Variants in LRRTM4 observed in about 807,000 individuals in gnomAD.
LRRTM4 encodes the protein leucine-rich repeat transmembrane neuronal protein 4.
Under a neutral mutation model 47.6 loss-of-function variants are expected in LRRTM4, and 25 were observed. The ratio of observed to expected loss-of-function variants is 0.53; its 90% CI spans 0.38 to 0.73. The LOEUF is 0.73. Ranked by LOEUF, LRRTM4 falls within the 30% of genes least tolerant of loss-of-function variation. The pLI, the probability that LRRTM4 is intolerant of heterozygous loss-of-function variation, is 0.00. For missense variants in LRRTM4, 638 were observed against 713.4 expected (o/e 0.89, Z 1.20); for synonymous variants, 311 against 269.5 (o/e 1.15, Z -1.51).
intron 3 of LRRTM4, chr2:77,516,764 A>G (rs1248674888): frequency 2.1e-6 from 2 of 970,502 alleles, no homozygotes; most frequent in African/African-American, 3.5e-5. Flanking sequence ...CTTATTTTCA[A>G]TGATACACAA....
At chr2:77,020,021 GGTTACTTGGAAAACATAAAA>G (rs1218138574) in intron 3 of LRRTM4, among the ~76,000 whole-genome samples, 1 of 151,982 alleles carries the variant, frequency 6.6e-6, no homozygotes, top group African/African-American at 2.4e-5. Flanking sequence ...TTATCTCCTA[GGTTACTTGGAAAACATAAAA>G]TATACTTAAT....
At chr2:76,900,590 C>A (rs71420976) in intron 3 of LRRTM4, among the ~76,000 whole-genome samples, 143 of 152,188 alleles carry the variant, frequency 9.4e-4, no homozygotes, top group South Asian at 3.5e-3. Context: ...AAATGAATAA[C>A]TGCCCTCTAC....
At chr2:76,963,179 C>A (rs1243154542) in intron 3 of LRRTM4, among the ~76,000 whole-genome samples, 1 of 150,748 alleles carries the variant, frequency 6.6e-6, no homozygotes, top group African/African-American at 2.4e-5. Context: ...AAATTTAATT[C>A]TTATTCCTGA....
At chr2:76,955,280 A>C (rs1675634211) in intron 3 of LRRTM4, among the ~76,000 whole-genome samples, 2 of 151,870 alleles carry the variant, frequency 1.3e-5, no homozygotes, top group South Asian at 4.1e-4. Context: ...AAAATAGGTC[A>C]ATTGACACAC....
chr2:76,958,320 C>T (rs1022164513), intron 3 of LRRTM4, among the ~76,000 whole-genome samples: 1 of 151,810 alleles, frequency 6.6e-6, no homozygotes, highest in South Asian at 2.1e-4. Context: ...TTGAGTTTGA[C>T]TCTATGGTTT....
intron 3 of LRRTM4, among the ~76,000 whole-genome samples, chr2:77,495,020 A>G (rs188797079): frequency 1.3e-5 from 2 of 152,266 alleles, no homozygotes; most frequent in Admixed American, 1.3e-4. Context: ...TTATATGGAT[A>G]CACTACAATT....
intron 3 of LRRTM4, among the ~76,000 whole-genome samples, chr2:77,371,675 C>A (rs1672661724): frequency 6.6e-6 from 1 of 151,646 alleles, no homozygotes; most frequent in South Asian, 2.1e-4. Context: ...TGCTCTAAGT[C>A]CTGACTACAC....
chr2:77,039,582 C>A (rs552628732), intron 3 of LRRTM4, among the ~76,000 whole-genome samples: 1 of 151,306 alleles, frequency 6.6e-6, no homozygotes, highest in South Asian at 2.1e-4. Context: ...CCCAATCTAT[C>A]TTCCATTTGT....
Position 77,207,893 on chromosome 2 carries a change from T to G in LRRTM4, c.1551+310425A>C, listed in dbSNP as rs1036594048. Among the ~76,000 whole-genome samples, 219 of 142,452 alleles carry G rather than the reference T, an allele frequency of 1.5e-3. 5 individuals carry two copies. The highest frequency in any genetic ancestry group is 0.013 in the Admixed American group (181 of 13,784). 93.5% of individuals were successfully genotyped at this position (142,452 alleles called of 152,430 possible). On this transcript the variant is annotated intron_variant, in intron 3 of 3. Coordinates refer to ENST00000409884, the MANE Select transcript of LRRTM4 (RefSeq NM_001134745.3). ...TTTTTTTTTTTTTTTTTTTTTTTTT[T>G]GTGAGATGTAGTCTTGCTTTTTTCA...
At chr2:77,173,771 C>A (rs950808185) in intron 3 of LRRTM4, among the ~76,000 whole-genome samples, 2 of 152,088 alleles carry the variant, frequency 1.3e-5, no homozygotes, top group African/African-American at 4.8e-5. Flanking sequence ...TCCACGCCCC[C>A]ACACATTCCC....
At chr2:77,161,613 G>C (rs958146432) in intron 3 of LRRTM4, among the ~76,000 whole-genome samples, 1 of 151,728 alleles carries the variant, frequency 6.6e-6, no homozygotes. Flanking sequence ...TCAAATTGTT[G>C]CCAATCTCCA....
intron 3 of LRRTM4, among the ~76,000 whole-genome samples, chr2:77,022,120 G>A (rs1358986269): frequency 6.6e-6 from 1 of 152,102 alleles, no homozygotes; most frequent in Non-Finnish European, 1.5e-5. Flanking sequence ...ATGGCCAGAG[G>A]TGAAAGTACT....
At chr2:77,307,418 A>G (rs1355464213) in intron 3 of LRRTM4, among the ~76,000 whole-genome samples, 3 of 150,506 alleles carry the variant, frequency 2.0e-5, no homozygotes, top group Admixed American at 1.3e-4. Context: ...CCTGTATATG[A>G]TATGTAATGT....
intron 3 of LRRTM4, among the ~76,000 whole-genome samples, chr2:76,802,096 A>G (rs1332528902): frequency 1.3e-5 from 2 of 152,146 alleles, no homozygotes; most frequent in Non-Finnish European, 2.9e-5. Flanking sequence ...ACTTTTATTC[A>G]ATACAGTATT....
At chr2:77,092,053 A>G (rs1328022726) in intron 3 of LRRTM4, among the ~76,000 whole-genome samples, 4 of 151,544 alleles carry the variant, frequency 2.6e-5, no homozygotes, top group African/African-American at 9.7e-5. Context: ...AATACTTTTA[A>G]AGGCCCTCAA....
chr2:76,970,177 A>G (rs1257940378), intron 3 of LRRTM4, among the ~76,000 whole-genome samples: 3 of 152,022 alleles, frequency 2.0e-5, no homozygotes, highest in Non-Finnish European at 4.4e-5. Context: ...CAAAAACAGG[A>G]TTCATAATTT....
intron 3 of LRRTM4, among the ~76,000 whole-genome samples, chr2:77,304,855 C>G (rs577802505): frequency 1.6e-4 from 25 of 152,076 alleles, no homozygotes; most frequent in African/African-American, 5.8e-4. Context: ...CACAGTTAGT[C>G]CAAGGTTCAA....
chr2:77,415,364 T>C (rs1398766961), intron 3 of LRRTM4, among the ~76,000 whole-genome samples: 1 of 152,180 alleles, frequency 6.6e-6, no homozygotes, highest in East Asian at 1.9e-4. Flanking sequence ...CAGTTGAAAG[T>C]TGCTTTCTAC....
At chr2:76,803,109 G>A (rs1188478406) in intron 3 of LRRTM4, among the ~76,000 whole-genome samples, 1 of 152,024 alleles carries the variant, frequency 6.6e-6, no homozygotes, top group Non-Finnish European at 1.5e-5. Flanking sequence ...ATAGACAAAT[G>A]GTATTATATC....
Sources: allele counts gnomAD v4.1 joint callset (sites outside exome capture counted in the v4.1 genomes callset), GRCh38; gene constraint gnomAD v4.1.1; transcripts MANE v1.5; gene names NCBI Gene and HGNC (gene_info 2026-07-23, HGNC 2026-07-21).